The following SEPHS1 variants were observed in gnomAD, a reference collection of about 807,000 sequenced individuals.
The protein encoded by SEPHS1 is selenophosphate synthetase 1, also known as zincore component SEPHS1.
A neutral mutation model predicts 39.2 loss-of-function variants in SEPHS1; 7 were observed. The ratio of observed to expected loss-of-function variants is 0.18; its 90% CI spans 0.10 to 0.34. The LOEUF (loss-of-function observed/expected upper bound fraction) is 0.34, where lower values mean the gene tolerates loss of function less well. SEPHS1 is among the 10% of genes least tolerant of loss of function. SEPHS1 has a pLI of 1.00. For missense variants in SEPHS1, 253 were observed against 514.5 expected (o/e 0.49, Z 4.92); for synonymous variants, 190 against 195.5 (o/e 0.97, Z 0.23).
intron 3 of SEPHS1, 52 bp from the exon 4 acceptor site, chr10:13,336,402 A>C: frequency 7.4e-7 from 1 of 1,353,118 alleles, no homozygotes; most frequent in South Asian, 1.2e-5. Context: ...TTCCATCTGC[A>C]GAAACTGAGT....
rs1213612672 is a variant in SEPHS1 at position 13,319,241 on chromosome 10, G to C, written c.1080C>G (p.Gly360=). Residue 360 remains glycine, a synonymous_variant, in exon 9 of 9, where the codon GGC becomes GGG. Transcript: ENST00000327347. ...QAWIIGIVEK[G]NRTARIIDKP... ...TGTCTATGATTCTGGCTGTGCGGTT[G>C]CCCTTCTCTACAATCCCAATAATCC... 6.2e-7 allele frequency: 1 copy of C among 1,613,768 alleles called. No homozygotes were observed. Among genetic ancestry groups the C allele is most frequent in the African/African-American group, 1.3e-5 (1 of 74,902 alleles).
chr10:13,328,986 T>C (rs1435657912), intron 6 of SEPHS1, among the ~76,000 whole-genome samples: 1 of 152,252 alleles, frequency 6.6e-6, no homozygotes, highest in Non-Finnish European at 1.5e-5. Context: ...ACCAGGTTGA[T>C]GAAAGACGTG....
chr10:13,335,671 C>CAA (rs58260827), intron 4 of SEPHS1, among the ~76,000 whole-genome samples: 3 of 139,680 alleles, frequency 2.1e-5, no homozygotes, highest in Non-Finnish European at 3.1e-5. Flanking sequence ...CTCAATAAAA[C>CAA]AAAAAAAAAT....
intron 2 of SEPHS1, among the ~76,000 whole-genome samples, chr10:13,339,798 T>C (rs1025216736): frequency 9.2e-5 from 14 of 152,192 alleles, no homozygotes; most frequent in Admixed American, 1.3e-4. Context: ...ATGTAAATAT[T>C]TGTTATGCTG....
chr10:13,326,547 T>C (rs1387696835), intron 7 of SEPHS1, among the ~76,000 whole-genome samples: 1 of 143,066 alleles, frequency 7.0e-6, no homozygotes, highest in Non-Finnish European at 1.5e-5. Flanking sequence ...CTCTGATCTA[T>C]AACTTTTTTT....
chr10:13,330,421 G>C (rs771405215), intron 5 of SEPHS1, among the ~76,000 whole-genome samples: 2 of 152,132 alleles, frequency 1.3e-5, no homozygotes, highest in Non-Finnish European at 2.9e-5. Flanking sequence ...GCACCCAGAC[G>C]CCTTGGTGGT....
intron 2 of SEPHS1, among the ~76,000 whole-genome samples, chr10:13,341,559 T>A (rs1340824616): frequency 1.3e-5 from 2 of 152,154 alleles, no homozygotes; most frequent in Non-Finnish European, 2.9e-5. Context: ...TTAATTAGGA[T>A]ACATTTAGTA....
chr10:13,318,469 GT>G lies in SEPHS1; in HGVS notation c.*672del, dbSNP rs1422139587. 1 of 152,540 alleles carries G rather than the reference GT, an allele frequency of 6.6e-6. No individual in the cohort carries two copies. Among genetic ancestry groups the G allele is most frequent in the Non-Finnish European group, 1.5e-5 (1 of 68,044 alleles). The allele number at this position is 152,540 out of a possible 1,614,324, so 9.4% of individuals were successfully genotyped here. On this transcript the variant is annotated 3_prime_UTR_variant, in exon 9 of 9. Coordinates refer to ENST00000327347, the MANE Select transcript of SEPHS1 (RefSeq NM_012247.5). Reference sequence around the variant, plus strand: ...ATCCTTTTTTGCTATCGATAAAACAGTTAATGGTATTACTGTAAATATCAGG... The same window carrying G: ...ATCCTTTTTTGCTATCGATAAAACAGTAATGGTATTACTGTAAATATCAGG...
intron 8 of SEPHS1, among the ~76,000 whole-genome samples, chr10:13,320,163 C>G (rs1351289713): frequency 6.6e-6 from 1 of 152,066 alleles, no homozygotes; most frequent in Non-Finnish European, 1.5e-5. Context: ...ACCTTTGTTG[C>G]TCTTTCCAGT....
intron 4 of SEPHS1, among the ~76,000 whole-genome samples, chr10:13,335,553 A>T (rs1833600783): frequency 6.6e-6 from 1 of 152,084 alleles, no homozygotes; most frequent in South Asian, 2.1e-4. Context: ...AATCCCAGCT[A>T]CTTGGGAGGC....
intron 4 of SEPHS1, among the ~76,000 whole-genome samples, chr10:13,335,057 A>G (rs1237050324): frequency 6.6e-6 from 1 of 152,232 alleles, no homozygotes; most frequent in South Asian, 2.1e-4. Context: ...GGCAGGAAAG[A>G]GCCTACTGGA....
intron 7 of SEPHS1, 29 bp downstream of exon 7, chr10:13,328,322 G>C (rs1341503868): frequency 2.1e-6 from 3 of 1,456,668 alleles, no homozygotes; most frequent in Middle Eastern, 1.9e-4. Flanking sequence ...GGACCCCTGG[G>C]ACCGAAGCGC....
At chr10:13,320,942 G>A (rs1833092519) in intron 8 of SEPHS1, among the ~76,000 whole-genome samples, 1 of 152,188 alleles carries the variant, frequency 6.6e-6, no homozygotes, top group Non-Finnish European at 1.5e-5. Flanking sequence ...ACACTGTCCT[G>A]GCCAGAGCCT....
Position 13,333,863 on chromosome 10 carries a change from G to A in SEPHS1, c.514C>T (p.Leu172=). 1 of 1,614,104 alleles carries A rather than the reference G, an allele frequency of 6.2e-7. No homozygotes were observed. The highest frequency in any genetic ancestry group is 8.5e-7 in the Non-Finnish European group (1 of 1,180,028). Residue 172 remains leucine, a synonymous_variant, in exon 5 of 9, where the codon CTG becomes TTG. Transcript: ENST00000327347. ...CAGACAGTGGTAGCCACTCCTCCCA[G>A]GACAATCCAGGGGTTTAGTACTGTT... The part of the protein sequence containing the change: ...GQTVLNPWIV[L]GGVATTVCQP...
At position 13,343,468 on chromosome 10, in the gene SEPHS1, C is replaced by T. The variant is rs1005840564; in HGVS notation, c.193+1290G>A. Among the ~76,000 whole-genome samples, 4 of 152,070 alleles carry T rather than the reference C, an allele frequency of 2.6e-5. No homozygotes were observed. The South Asian group carries it at 8.3e-4, about 31-fold the overall frequency. Reference sequence around the variant, plus strand: ...TTTCTCTATCTGGGAGTAAAGGAGACCCCAGGCTCATAACCAATGAACCTT... The same window carrying T: ...TTTCTCTATCTGGGAGTAAAGGAGATCCCAGGCTCATAACCAATGAACCTT... On this transcript the variant is annotated intron_variant, in intron 2 of 8. Coordinates refer to ENST00000327347, the MANE Select transcript of SEPHS1 (RefSeq NM_012247.5).
chr10:13,322,640 G>T (rs1021265288), intron 8 of SEPHS1, among the ~76,000 whole-genome samples, 195 bp downstream of exon 8: 2 of 152,148 alleles, frequency 1.3e-5, no homozygotes, highest in South Asian at 2.1e-4. Flanking sequence ...CCTCAGCAAG[G>T]CTGCTGGATC....
rs758365025 is a variant in SEPHS1, at chr10:13,338,698, C to T, written c.297+7G>A. On this transcript the variant is annotated splice_region_variant and intron_variant, in intron 3 of 8. Coordinates refer to ENST00000327347, the MANE Select transcript of SEPHS1 (RefSeq NM_012247.5). Reference sequence around the variant, plus strand: ...CCAGTCACAAAAACACATCGGCTCACGCTTACCATCATGTAAGGGTCGTCT... The same window carrying T: ...CCAGTCACAAAAACACATCGGCTCATGCTTACCATCATGTAAGGGTCGTCT... 2.1e-5 allele frequency: 34 copies of T among 1,609,574 alleles called. No homozygotes were observed. The highest frequency in any genetic ancestry group is 8.3e-5 in the Admixed American group (5 of 59,992).
chr10:13,326,734 A>C (rs1040824430), intron 7 of SEPHS1, among the ~76,000 whole-genome samples: 1 of 151,900 alleles, frequency 6.6e-6, no homozygotes, highest in Non-Finnish European at 1.5e-5. Context: ...GGGTCTCACT[A>C]TGTTGCCTAG....
At chr10:13,322,645 T>TGGATCCACCCAGGATGGCGGGGACC (rs1417771529) in intron 8 of SEPHS1, among the ~76,000 whole-genome samples, 190 bp downstream of exon 8, 2 of 152,188 alleles carry the variant, frequency 1.3e-5, no homozygotes, top group Non-Finnish European at 2.9e-5. Context: ...GCAAGGCTGC[T>TGGATCCACCCAGGATGGCGGGGACC]GGATCCACCC....
Sources: gnomAD v4.1 joint callset for allele counts (sites outside exome capture counted in the v4.1 genomes callset) on GRCh38, gnomAD v4.1.1 for gene constraint, MANE v1.5 for transcripts, NCBI Gene and HGNC (gene_info 2026-07-23, HGNC 2026-07-21) for gene names.